INPP4B: variants seen among roughly 807,000 people sequenced by gnomAD.
INPP4B encodes inositol polyphosphate-4-phosphatase type II B, also known as inositol polyphosphate 4-phosphatase type II.
In INPP4B, 55 loss-of-function variants were observed where a neutral mutation model predicts 122.5. That is an observed-to-expected ratio of 0.45 (90% CI 0.36 to 0.56). The LOEUF is 0.56. Among genes scored for constraint, INPP4B ranks in the 20% least tolerant of loss-of-function variants. INPP4B has a pLI of 0.00. For synonymous variants in INPP4B, 403 were observed against 388.7 expected (o/e 1.04, Z -0.43); for missense variants, 1,000 against 1,097.7 (o/e 0.91, Z 1.26).
intron 2 of INPP4B, among the ~76,000 whole-genome samples, chr4:142,677,245 C>G (rs1757948356): frequency 6.6e-6 from 1 of 152,076 alleles, no homozygotes; most frequent in South Asian, 2.1e-4. Context: ...TGTAAAAAAG[C>G]TCATCATCAC....
intron 1 of INPP4B, among the ~76,000 whole-genome samples, chr4:142,780,662 G>A (rs531553975): frequency 6.6e-6 from 1 of 152,190 alleles, no homozygotes; most frequent in South Asian, 2.1e-4. Context: ...AGCCAGGCAT[G>A]GTGGTGGATA....
chr4:142,514,123 T>C (rs1825109746), intron 2 of INPP4B: 1 of 152,156 alleles, frequency 6.6e-6, no homozygotes. Context: ...CTCTCAAGCA[T>C]ATGCAAATGT....
At chr4:142,068,071 C>A (rs866250356) in intron 25 of INPP4B, among the ~76,000 whole-genome samples, 2 of 152,132 alleles carry the variant, frequency 1.3e-5, no homozygotes, top group Non-Finnish European at 2.9e-5. Flanking sequence ...AAGTTAAGGG[C>A]AGCCAGAGAG....
intron 24 of INPP4B, among the ~76,000 whole-genome samples, chr4:142,083,806 A>T (rs1039678099): frequency 1.3e-5 from 2 of 152,120 alleles, no homozygotes; most frequent in Non-Finnish European, 2.9e-5. Flanking sequence ...TTTCATTTTT[A>T]AAAATTCTTA....
intron 1 of INPP4B, among the ~76,000 whole-genome samples, chr4:142,780,565 G>GAA (rs1355163018): frequency 6.6e-6 from 1 of 152,092 alleles, no homozygotes; most frequent in African/African-American, 2.4e-5. Flanking sequence ...TTGGGAGGCC[G>GAA]AGGCAGGCAG....
chr4:142,465,569 T>C (rs1373060983), intron 2 of INPP4B, among the ~76,000 whole-genome samples: 1 of 152,216 alleles, frequency 6.6e-6, no homozygotes, highest in African/African-American at 2.4e-5. Context: ...TGGCCTCCTA[T>C]TGTGCTTCCA....
intron 2 of INPP4B, among the ~76,000 whole-genome samples, chr4:142,632,404 G>T (rs769803354): frequency 3.3e-5 from 5 of 152,228 alleles, no homozygotes; most frequent in Non-Finnish European, 7.4e-5. Flanking sequence ...CATGAAGATA[G>T]AGAGTAGACT....
chr4:142,756,175 T>G (rs953799542), intron 1 of INPP4B, among the ~76,000 whole-genome samples: 2 of 152,050 alleles, frequency 1.3e-5, no homozygotes, highest in Non-Finnish European at 2.9e-5. Flanking sequence ...AGCTCCTCTT[T>G]TGCTCCTCGA....
At chr4:142,623,365 C>A (rs1745415310) in intron 2 of INPP4B, among the ~76,000 whole-genome samples, 1 of 151,728 alleles carries the variant, frequency 6.6e-6, no homozygotes, top group Non-Finnish European at 1.5e-5. Flanking sequence ...AGCACCATGC[C>A]CCAGAAAGTC....
At chr4:142,673,660 G>A (rs1305109166) in intron 2 of INPP4B, among the ~76,000 whole-genome samples, 1 of 152,128 alleles carries the variant, frequency 6.6e-6, no homozygotes, top group Admixed American at 6.6e-5. Flanking sequence ...GCCTTGAACA[G>A]TAGAGGTTCC....
intron 25 of INPP4B, among the ~76,000 whole-genome samples, chr4:142,068,817 C>T (rs1348370215): frequency 6.6e-6 from 1 of 152,170 alleles, no homozygotes; most frequent in East Asian, 1.9e-4. Flanking sequence ...TACAGGAGCA[C>T]CCTGATTCAT....
intron 1 of INPP4B, among the ~76,000 whole-genome samples, chr4:142,825,137 T>C (rs1393707981): frequency 6.6e-6 from 1 of 152,128 alleles, no homozygotes; most frequent in Non-Finnish European, 1.5e-5. Flanking sequence ...TATTTGCATT[T>C]TGTGAACACA....
chr4:142,176,674 A>C (rs1323248253), intron 15 of INPP4B, among the ~76,000 whole-genome samples: 6 of 152,118 alleles, frequency 3.9e-5, no homozygotes, highest in Admixed American at 1.3e-4. Context: ...CAGGGCCTCA[A>C]TGTTTATTGA....
intron 7 of INPP4B, among the ~76,000 whole-genome samples, chr4:142,394,815 A>T (rs908944231): frequency 1.3e-5 from 2 of 152,060 alleles, no homozygotes; most frequent in Non-Finnish European, 2.9e-5. Context: ...CTTTGATGCA[A>T]TCTCATTTGT....
rs138511535 is a variant in INPP4B at position 142,552,647 on chromosome 4, T to C, written c.-190-89921A>G. ...TTTGGAGAAAGAGGCAACATTGATC[T>C]CTGAGAATATAAAGAATAAAGTTAA... On this transcript the variant is annotated intron_variant, in intron 2 of 25. Coordinates refer to ENST00000262992, the MANE Select transcript of INPP4B (RefSeq NM_001101669.3). 6.4e-3 allele frequency among the ~76,000 whole-genome samples: 967 copies of C among 152,262 alleles called. 23 individuals carry two copies. The highest frequency in any genetic ancestry group is 0.032 in the Admixed American group (493 of 15,300).
At chr4:142,501,571 A>G (rs1823378105) in intron 2 of INPP4B, among the ~76,000 whole-genome samples, 1 of 152,106 alleles carries the variant, frequency 6.6e-6, no homozygotes, top group African/African-American at 2.4e-5. Flanking sequence ...AAAATAAAAG[A>G]TTTGAAAAAT....
chr4:142,645,014 T>C lies in INPP4B; in HGVS notation c.-191+80825A>G, dbSNP rs151155044. ...AAGTACATGTTAAGATCTGATTCTA[T>C]AATTACTAAAAATCAAGATGTATCT... On this transcript the variant is annotated intron_variant, in intron 2 of 25. Transcript: ENST00000262992. 2.6e-4 allele frequency among the ~76,000 whole-genome samples: 39 copies of C among 152,058 alleles called. 1 individual carries two copies. The highest frequency in any genetic ancestry group is 8.9e-4 in the African/African-American group (37 of 41,512).
intron 14 of INPP4B, among the ~76,000 whole-genome samples, chr4:142,206,630 G>C (rs1842694911): frequency 6.6e-6 from 1 of 151,714 alleles, no homozygotes; most frequent in South Asian, 2.1e-4. Flanking sequence ...ACATTATTGA[G>C]GTATGATTGA....
chr4:142,821,149 C>T (rs1287977231), intron 1 of INPP4B, among the ~76,000 whole-genome samples: 3 of 152,058 alleles, frequency 2.0e-5, no homozygotes, highest in African/African-American at 7.2e-5. Flanking sequence ...CTCTTGAGAA[C>T]TTGGTCAATT....
Sources: gnomAD v4.1 joint callset for allele counts (sites outside exome capture counted in the v4.1 genomes callset) on GRCh38, gnomAD v4.1.1 for gene constraint, MANE v1.5 for transcripts, NCBI Gene and HGNC (gene_info 2026-07-23, HGNC 2026-07-21) for gene names.